The following ZBTB1 variants were observed in gnomAD, a reference collection of about 807,000 sequenced individuals.
ZBTB1 encodes zinc finger and BTB domain containing 1.
ZBTB1 carries 13 observed loss-of-function variants against 51.6 expected under a neutral mutation model. That is an observed-to-expected ratio of 0.25 (90% CI 0.16 to 0.40). ZBTB1 has a LOEUF of 0.40. Among genes scored for constraint, ZBTB1 ranks in the 10% least tolerant of loss-of-function variants. The pLI is 1.00. For missense variants in ZBTB1, 567 were observed against 856.5 expected (o/e 0.66, Z 4.22); for synonymous variants, 240 against 282.2 (o/e 0.85, Z 1.50).
chr14:64,532,017 T>C, exon 3 of ZBTB1: 1 of 1,232,986 alleles, frequency 8.1e-7, no homozygotes, highest in Non-Finnish European at 1.1e-6. Flanking sequence ...CTGACAAACT[T>C]CCATCAACCC....
chr14:64,504,683 C>G (rs2079608685), upstream of ZBTB1: 1 of 359,056 alleles, frequency 2.8e-6, no homozygotes, highest in South Asian at 1.5e-4. Flanking sequence ...CCGCAGCGAA[C>G]TGGTGGGCAG....
rs1246234766 is a variant in ZBTB1 at position 64,523,457 on chromosome 14, G to T, written c.1953G>T (p.Arg651=). 5.6e-6 allele frequency: 9 copies of T among 1,614,006 alleles called. 1 individual carries two copies. In the South Asian group the frequency reaches 8.8e-5, roughly 16 times the overall value. Residue 651 remains arginine, a synonymous_variant, in exon 2 of 2, where the codon CGG becomes CGT. Transcript: ENST00000683701. The surrounding 1 kb of genome is among the most constrained non-coding windows in gnomAD (Gnocchi z 4.5). The part of the protein sequence containing the change: ...QGNFRKHDHV[R]HMISHLSAGE... ...ACTTCAGAAAACATGACCATGTACG[G>T]CATATGATTTCTCATTTATCTGCTG...
chr14:64,530,294 A>C (rs1465817320), intron 2 of ZBTB1, among the ~76,000 whole-genome samples: 2 of 152,212 alleles, frequency 1.3e-5, no homozygotes, highest in Non-Finnish European at 2.9e-5. Context: ...TGACAATAGC[A>C]GCTTGTAAAT....
At chr14:64,526,064 G>A (rs1290181599), downstream of ZBTB1, among the ~76,000 whole-genome samples, 1 of 151,876 alleles carries the variant, frequency 6.6e-6, no homozygotes, top group Non-Finnish European at 1.5e-5. Flanking sequence ...GTGATCCACC[G>A]GCTTCAGCCT....
rs1262566144 is a variant in ZBTB1, at chr14:64,531,712, T to C, written c.1899-149T>C. 1.0e-5 allele frequency: 8 copies of C among 786,704 alleles called. No individual in the cohort carries two copies. In the African/African-American group the frequency reaches 1.4e-4, roughly 14 times the overall value. 48.7% of individuals were successfully genotyped at this position (786,704 alleles called of 1,614,324 possible). A position where few individuals can be genotyped will look rare whatever the true frequency, so the allele number is the denominator to read the frequency against. On this transcript the variant is annotated intron_variant, in intron 2 of 2. Transcript: ENST00000358738. Reference sequence around the variant, plus strand: ...AATTAAATTTAAATTCTAGGGGCTATGCTTGTGTTTCTATTCTCTGTTCTG... The same window carrying C: ...AATTAAATTTAAATTCTAGGGGCTACGCTTGTGTTTCTATTCTCTGTTCTG...
chr14:64,504,497 G>C (rs535709548), upstream of ZBTB1: 2 of 161,736 alleles, frequency 1.2e-5, no homozygotes, highest in African/African-American at 4.8e-5. Flanking sequence ...CCTTGAGAGG[G>C]GCAAGAGGGG....
chr14:64,506,982 A>G (rs1370576475), intron 1 of ZBTB1, among the ~76,000 whole-genome samples: 2 of 152,224 alleles, frequency 1.3e-5, no homozygotes, highest in African/African-American at 4.8e-5. Flanking sequence ...GATATAGTTC[A>G]TCGACCTTTT....
Position 64,521,881 on chromosome 14 carries a change from G to T in ZBTB1, c.377G>T (p.Cys126Phe). The T allele has an allele frequency of 1.2e-6, 2 of 1,613,590 alleles. No homozygotes were observed. Among genetic ancestry groups the T allele is most frequent in the Non-Finnish European group, 1.7e-6 (2 of 1,180,026 alleles). ...GATGCAGATTGTTCTAGTTCAAAAT[G>T]TTCCTCTTCTGCTTCCAGCAAACAG... Reference protein sequence around the residue: ...IQDADCSSSKCSSSASSKQNS... With the variant: ...IQDADCSSSKFSSSASSKQNS... The change falls in exon 2 of 2, where the codon TGT becomes TTT. Residue 126 changes from cysteine to phenylalanine, a missense_variant. By Grantham distance (205) the Cys-to-Phe change is radical (BLOSUM62 -2). Coordinates refer to ENST00000683701, the MANE Select transcript of ZBTB1 (RefSeq NM_001123329.2).
In ZBTB1 at chr14:64,524,817, A is replaced by G; in HGVS notation, c.*1171A>G. 1.0e-6 allele frequency: 1 copy of G among 982,252 alleles called. No individual in the cohort carries two copies. Among genetic ancestry groups the G allele is most frequent in the Non-Finnish European group, 1.2e-6 (1 of 827,050 alleles). 60.8% of individuals were successfully genotyped at this position (982,252 alleles called of 1,614,324 possible). A position where few individuals can be genotyped will look rare whatever the true frequency, so the allele number is the denominator to read the frequency against. ...TATAAAATAATCACAGAGTATATCAATGGAAACAGTTTATCATTTTTTCAG... is the reference window on the plus strand; with the variant it reads ...TATAAAATAATCACAGAGTATATCAGTGGAAACAGTTTATCATTTTTTCAG... On this transcript the variant is annotated 3_prime_UTR_variant, in exon 2 of 2. Coordinates refer to ENST00000683701, the MANE Select transcript of ZBTB1 (RefSeq NM_001123329.2).
intron 2 of ZBTB1, chr14:64,531,825 T>C (rs758359053): frequency 6.2e-7 from 1 of 1,613,088 alleles, no homozygotes; most frequent in South Asian, 1.1e-5. Context: ...CTTGTAATAT[T>C]ATTTTTCTTG....
chr14:64,509,064 A>C (rs924485435), intron 1 of ZBTB1, among the ~76,000 whole-genome samples: 1 of 152,216 alleles, frequency 6.6e-6, no homozygotes, highest in Non-Finnish European at 1.5e-5. Flanking sequence ...CCTCACCCTA[A>C]GATCAGAAAA....
At chr14:64,520,688 A>C (rs2079851287) in intron 1 of ZBTB1, among the ~76,000 whole-genome samples, 1 of 152,196 alleles carries the variant, frequency 6.6e-6, no homozygotes, top group Non-Finnish European at 1.5e-5. Flanking sequence ...TCCAAAAGAT[A>C]AGGATTCTTT....
At chr14:64,532,792 A>T (rs2079952021) in exon 3 of ZBTB1, 1 of 151,838 alleles carries the variant, frequency 6.6e-6, no homozygotes, top group African/African-American at 2.4e-5. Flanking sequence ...GTTTTAAAAA[A>T]TCTTTAATGG....
chr14:64,523,379 T>C lies in ZBTB1; in HGVS notation c.1875T>C (p.Asn625=). ...FLRERQLRLH[N]DMHKGMARYV... ...GAGAGCGTCAGTTGCGACTGCACAA[T>C]GATATGCACAAAGGCATGGCCAGGT... Residue 625 remains asparagine (N), a synonymous_variant, in exon 2 of 2, where the codon AAT becomes AAC. Coordinates refer to ENST00000683701, the MANE Select transcript of ZBTB1 (RefSeq NM_001123329.2). This position sits in a 1 kb window ranked among gnomAD's most constrained non-coding sequence, Gnocchi z 4.5. 1 of 1,614,206 alleles carries C rather than the reference T, an allele frequency of 6.2e-7. No individual in the cohort carries two copies. The highest frequency in any genetic ancestry group is 1.1e-5 in the South Asian group (1 of 91,086).
At position 64,523,806 on chromosome 14, in the gene ZBTB1, A is replaced by C; in HGVS notation, c.*160A>C. On this transcript the variant is annotated 3_prime_UTR_variant, in exon 2 of 2. Transcript: ENST00000683701. This position sits in a 1 kb window ranked among gnomAD's most constrained non-coding sequence, Gnocchi z 4.5. Reference sequence around the variant, plus strand: ...TTTGTTTAGGATTTTAAGTATCTACATTTAGGTATTAAATGTTTATCATTT... The same window carrying C: ...TTTGTTTAGGATTTTAAGTATCTACCTTTAGGTATTAAATGTTTATCATTT... 7.5e-7 allele frequency: 1 copy of C among 1,328,540 alleles called. No individual in the cohort carries two copies. The highest frequency in any genetic ancestry group is 9.7e-7 in the Non-Finnish European group (1 of 1,027,192). 82.3% of individuals were successfully genotyped at this position (1,328,540 alleles called of 1,614,324 possible).
intron 1 of ZBTB1, among the ~76,000 whole-genome samples, chr14:64,513,390 C>T (rs2079746760): frequency 6.6e-6 from 1 of 152,140 alleles, no homozygotes; most frequent in South Asian, 2.1e-4. Context: ...GTCATTTACT[C>T]TACTTTGATA....
chr14:64,514,945 G>C (rs569118252), intron 1 of ZBTB1, among the ~76,000 whole-genome samples: 1 of 152,274 alleles, frequency 6.6e-6, no homozygotes, highest in Non-Finnish European at 1.5e-5. Flanking sequence ...TATGGAATAA[G>C]AATGTTAGAC....
intron 1 of ZBTB1, among the ~76,000 whole-genome samples, chr14:64,517,900 C>G (rs1238427433): frequency 6.7e-6 from 1 of 149,706 alleles, no homozygotes; most frequent in Non-Finnish European, 1.5e-5. Flanking sequence ...GTGGCATGAT[C>G]TCGGCTCACT....
In ZBTB1 at chr14:64,521,491, C is replaced by T. The variant is rs775597897; in HGVS notation, c.-14C>T. On this transcript the variant is annotated 5_prime_UTR_variant, in exon 2 of 2. Transcript: ENST00000683701. ...TAATATTTTTGTTTTACATAGGTCTCTAATTAACAGAAGATGGCAAAGCCC... is the reference window on the plus strand; with the variant it reads ...TAATATTTTTGTTTTACATAGGTCTTTAATTAACAGAAGATGGCAAAGCCC... 11 of 1,577,670 alleles carry T rather than the reference C, an allele frequency of 7.0e-6. No individual in the cohort carries two copies. The highest frequency in any genetic ancestry group is 9.4e-6 in the Non-Finnish European group (11 of 1,165,096).
Sources: allele counts gnomAD v4.1 joint callset (sites outside exome capture counted in the v4.1 genomes callset), GRCh38; gene constraint gnomAD v4.1.1; non-coding constraint Gnocchi (gnomAD v3.1); transcripts MANE v1.5; gene names NCBI Gene and HGNC (gene_info 2026-07-23, HGNC 2026-07-21).